The following CADPS2 variants were observed in gnomAD, a reference collection of about 807,000 sequenced individuals.
The protein encoded by CADPS2 is calcium-dependent secretion activator 2.
CADPS2 carries 93 observed loss-of-function variants against 172.5 expected under a neutral mutation model. That is an observed-to-expected ratio of 0.54 (90% confidence interval 0.46 to 0.64). CADPS2 has a LOEUF of 0.64. Among genes scored for constraint, CADPS2 ranks in the 30% least tolerant of loss-of-function variants. The pLI is 0.00. For missense variants in CADPS2, 1,420 were observed against 1,565.9 expected (o/e 0.91, Z 1.57); for synonymous variants, 546 against 555.2 (o/e 0.98, Z 0.23).
chr7:122,520,343 GT>G (rs143024731), intron 8 of CADPS2, among the ~76,000 whole-genome samples: 3,527 of 147,190 alleles, frequency 0.024, 150 homozygotes, highest in African/African-American at 0.082. Context: ...GAATGTGTGT[GT>G]TTTTTTTTTA....
chr7:122,344,446 A>G (rs1371795366), intron 28 of CADPS2, among the ~76,000 whole-genome samples: 1 of 152,216 alleles, frequency 6.6e-6, no homozygotes, highest in Non-Finnish European at 1.5e-5. Flanking sequence ...CTTTACAGAT[A>G]CTGAATAAAT....
chr7:122,714,807 C>T (rs1048517707), intron 2 of CADPS2, among the ~76,000 whole-genome samples: 2 of 152,100 alleles, frequency 1.3e-5, no homozygotes, highest in Admixed American at 6.6e-5. Flanking sequence ...TAATAAGTTC[C>T]GATTTGAGTC....
At chr7:122,484,777 C>T (rs895047476) in intron 11 of CADPS2, among the ~76,000 whole-genome samples, 1 of 151,634 alleles carries the variant, frequency 6.6e-6, no homozygotes, top group Non-Finnish European at 1.5e-5. Flanking sequence ...ATCCAGAACA[C>T]ACAGGGAAAC....
chr7:122,351,377 A>C (rs2038596437), intron 27 of CADPS2, among the ~76,000 whole-genome samples: 2 of 104,476 alleles, frequency 1.9e-5, no homozygotes, highest in Non-Finnish European at 4.3e-5. Context: ...CGTCTCAAAA[A>C]AAAAAAAAAA....
At position 122,868,619 on chromosome 7, in the gene CADPS2, G is replaced by A. The variant is rs75055928; in HGVS notation, c.339+17380C>T. ...ACGCAAGACCACTCCAACAAGACAG[G>A]AAGGGGTGGTTCTCTTATCTAATGC... On this transcript the variant is annotated intron_variant, in intron 1 of 29. Transcript: ENST00000449022. Among the ~76,000 whole-genome samples the A allele has an allele frequency of 2.6e-4, 40 of 152,286 alleles. No individual in the cohort carries two copies. In the East Asian group the frequency reaches 7.7e-3, roughly 29 times the overall value.
intron 3 of CADPS2, among the ~76,000 whole-genome samples, chr7:122,651,593 T>A (rs563846317): frequency 3.4e-4 from 52 of 152,328 alleles, no homozygotes; most frequent in African/African-American, 1.1e-3. Flanking sequence ...TCTGTGATGT[T>A]ACTTAACATG....
chr7:122,675,932 C>T (rs1419794327), intron 2 of CADPS2, among the ~76,000 whole-genome samples: 3 of 152,114 alleles, frequency 2.0e-5, no homozygotes, highest in South Asian at 2.1e-4. Flanking sequence ...GGCACATGCA[C>T]GCCCATGCAA....
intron 3 of CADPS2, among the ~76,000 whole-genome samples, chr7:122,657,226 T>C (rs577830787): frequency 9.8e-5 from 15 of 152,342 alleles, no homozygotes; most frequent in African/African-American, 3.6e-4. Flanking sequence ...GTAGTATAGT[T>C]TGAAATCAGG....
intron 6 of CADPS2, among the ~76,000 whole-genome samples, chr7:122,614,188 G>C (rs948137667): frequency 2.0e-5 from 3 of 152,034 alleles, no homozygotes; most frequent in Non-Finnish European, 4.4e-5. Flanking sequence ...GAGAAGGTGA[G>C]ATCCCAGAGG....
At chr7:122,869,551 C>T (rs2141455897) in intron 1 of CADPS2, among the ~76,000 whole-genome samples, 1 of 151,324 alleles carries the variant, frequency 6.6e-6, no homozygotes, top group South Asian at 2.1e-4. Flanking sequence ...AATTCATCAC[C>T]ACTAGACCTG....
chr7:122,480,929 C>T (rs1366648838), intron 11 of CADPS2, 69 bp from the exon 12 acceptor site: 1 of 1,153,222 alleles, frequency 8.7e-7, no homozygotes, highest in East Asian at 2.8e-5. Context: ...ACTTATACAA[C>T]TAGACATTTA....
chr7:122,554,587 C>T lies in CADPS2; in HGVS notation c.1438G>A (p.Val480Met), dbSNP rs368124428. The change falls in exon 8 of 30, where the codon GTG (valine) becomes ATG (methionine). Residue 480 changes from valine (V) to methionine (M), a missense_variant. Val to Met is a conservative substitution (Grantham distance 21, BLOSUM62 1). Transcript: ENST00000449022. ...QDSDLKIKLA[V>M]RMDKPAHMKH... ...ATATGTGCTGGTTTATCCATTCGCACTGCCAGTTTGATTTTTAAGTCAGAA... is the reference window on the plus strand; with the variant it reads ...ATATGTGCTGGTTTATCCATTCGCATTGCCAGTTTGATTTTTAAGTCAGAA... 3.7e-6 allele frequency: 6 copies of T among 1,611,510 alleles called. No homozygotes were observed. Among genetic ancestry groups the T allele is most frequent in the Non-Finnish European group, 4.2e-6 (5 of 1,178,714 alleles).
chr7:122,705,509 ATCTATATTTATATTGTGTATTATCTATAT>A (rs1564120188), intron 2 of CADPS2, among the ~76,000 whole-genome samples: 5 of 109,856 alleles, frequency 4.6e-5, no homozygotes, highest in East Asian at 2.6e-4. Context: ...ATTATATATT[ATCTATATTTATATTGTGTATTATCTATAT>A]TATATATTAT....
intron 3 of CADPS2, among the ~76,000 whole-genome samples, chr7:122,662,312 T>C (rs7778395): frequency 0.18 from 26,492 of 151,356 alleles, 3,111 homozygotes; most frequent in Non-Finnish European, 0.26. Flanking sequence ...ACTACATTAT[T>C]AGACAAATCA....
intron 8 of CADPS2, among the ~76,000 whole-genome samples, chr7:122,522,694 C>A (rs1448220216): frequency 1.3e-5 from 2 of 152,006 alleles, no homozygotes; most frequent in African/African-American, 2.4e-5. Context: ...AACACATTAA[C>A]CAACCTCTCT....
chr7:122,665,036 G>A (rs2081045081), intron 2 of CADPS2, among the ~76,000 whole-genome samples: 1 of 150,892 alleles, frequency 6.6e-6, no homozygotes, highest in East Asian at 1.9e-4. Flanking sequence ...CTAGGCTCAG[G>A]CAATCCTCCT....
intron 6 of CADPS2, among the ~76,000 whole-genome samples, chr7:122,604,617 T>C (rs769707050): frequency 1.3e-5 from 2 of 152,152 alleles, no homozygotes; most frequent in Admixed American, 1.3e-4. Context: ...CTCAAATAAA[T>C]GGTATCTCCT....
intron 9 of CADPS2, among the ~76,000 whole-genome samples, chr7:122,512,877 T>C (rs534518129): frequency 1.1e-4 from 16 of 152,254 alleles, no homozygotes; most frequent in African/African-American, 1.7e-4. Context: ...CAGAAGTTAT[T>C]TGTCTTTTTC....
chr7:122,848,614 T>C (rs966096177), intron 1 of CADPS2, among the ~76,000 whole-genome samples: 2 of 152,232 alleles, frequency 1.3e-5, no homozygotes, highest in Non-Finnish European at 2.9e-5. Flanking sequence ...TTCAAACATA[T>C]GCCACAGCCT....
Sources: gnomAD v4.1 joint callset for allele counts (sites outside exome capture counted in the v4.1 genomes callset) on GRCh38, gnomAD v4.1.1 for gene constraint, MANE v1.5 for transcripts, NCBI Gene and HGNC (gene_info 2026-07-23, HGNC 2026-07-21) for gene names.